The following PRIM2 variants were observed in gnomAD, a reference collection of about 807,000 sequenced individuals.
The protein encoded by PRIM2 is DNA primase large subunit.
PRIM2 carries 39 observed loss-of-function variants against 67.3 expected under a neutral mutation model. The observed-to-expected ratio is 0.58, with a 90% CI of 0.45 to 0.76. The LOEUF is 0.76. Ranked by LOEUF, PRIM2 falls within the 30% of genes least tolerant of loss-of-function variation. PRIM2 has a pLI of 0.00. For missense variants in PRIM2, 398 were observed against 598.7 expected (o/e 0.66, Z 3.50); for synonymous variants, 143 against 198.7 (o/e 0.72, Z 2.36).
chr6:57,621,925 T>C (rs1776863615), intron 12 of PRIM2, among the ~76,000 whole-genome samples: 1 of 152,126 alleles, frequency 6.6e-6, no homozygotes, highest in African/African-American at 2.4e-5. Flanking sequence ...ACTTTTTCCT[T>C]ATGAATCTTG....
At chr6:57,594,247 G>C (rs1776328350) in intron 10 of PRIM2, among the ~76,000 whole-genome samples, 1 of 152,212 alleles carries the variant, frequency 6.6e-6, no homozygotes, top group Non-Finnish European at 1.5e-5. Flanking sequence ...ACAGATAGCA[G>C]TTGTGAAGAC....
the PRIM2 span, among the ~76,000 whole-genome samples, chr6:57,274,888 T>C: frequency 6.6e-6 from 1 of 151,816 alleles, no homozygotes; most frequent in Non-Finnish European, 1.5e-5. Flanking sequence ...GTGATTCCCC[T>C]GCCTCAGCCT....
chr6:57,356,611 C>T (rs1236785093), intron 5 of PRIM2, among the ~76,000 whole-genome samples: 1 of 152,106 alleles, frequency 6.6e-6, no homozygotes, highest in African/African-American at 2.4e-5. Flanking sequence ...TCTTTTCATG[C>T]AGTCTGAGGA....
chr6:57,630,479 G>T (rs2127499161), intron 12 of PRIM2, among the ~76,000 whole-genome samples: 1 of 151,504 alleles, frequency 6.6e-6, no homozygotes, highest in East Asian at 1.9e-4. Context: ...GTTTTCTTTA[G>T]TAAGTTTTTT....
chr6:57,334,595 T>C (rs1420407481), intron 5 of PRIM2, among the ~76,000 whole-genome samples: 1 of 152,162 alleles, frequency 6.6e-6, no homozygotes, highest in Admixed American at 6.5e-5. Context: ...GCCCAGGTGT[T>C]GGAGGCTACA....
intron 8 of PRIM2, among the ~76,000 whole-genome samples, chr6:57,523,358 T>C (rs1774670233): frequency 6.6e-6 from 1 of 152,250 alleles, no homozygotes; most frequent in Admixed American, 6.5e-5. Context: ...TTCTGAAACT[T>C]ACCCTCTTAA....
chr6:57,529,264 C>G (rs1258168282), intron 8 of PRIM2, among the ~76,000 whole-genome samples: 20 of 151,786 alleles, frequency 1.3e-4, no homozygotes, highest in African/African-American at 4.8e-4. Flanking sequence ...GAGCGGAGAT[C>G]GCCCCACTGC....
intron 10 of PRIM2, among the ~76,000 whole-genome samples, chr6:57,590,464 T>G (rs1374852058): frequency 6.6e-6 from 1 of 152,108 alleles, no homozygotes; most frequent in East Asian, 1.9e-4. Context: ...TAATTCCAAA[T>G]AGCATGGACA....
At chr6:57,421,398 G>A (rs1343180871) in intron 7 of PRIM2, among the ~76,000 whole-genome samples, 2 of 152,124 alleles carry the variant, frequency 1.3e-5, no homozygotes, top group African/African-American at 2.4e-5. Flanking sequence ...TTTGAGTAAT[G>A]GCACTGATAT....
intron 8 of PRIM2, among the ~76,000 whole-genome samples, chr6:57,518,490 G>T (rs1554348495): frequency 3.0e-4 from 45 of 152,244 alleles, no homozygotes; most frequent in African/African-American, 1.1e-3. Flanking sequence ...GCCATCTTGT[G>T]TACCACTATC....
the PRIM2 span, among the ~76,000 whole-genome samples, chr6:57,228,132 C>T: frequency 2.0e-4 from 31 of 152,194 alleles, no homozygotes; most frequent in East Asian, 6.0e-3. Flanking sequence ...AGAAGATCTA[C>T]AAAACTAGAG....
intron 7 of PRIM2, among the ~76,000 whole-genome samples, chr6:57,480,391 C>T (rs1259640598): frequency 0.37 from 56,674 of 151,862 alleles, 10,938 homozygotes; most frequent in African/African-American, 0.49. Context: ...AAACATCTTG[C>T]ATAACTTTAG....
chr6:57,289,870 A>G, the PRIM2 span, among the ~76,000 whole-genome samples: 2 of 152,172 alleles, frequency 1.3e-5, no homozygotes, highest in Non-Finnish European at 2.9e-5. Flanking sequence ...TGTAAAGACC[A>G]TCAATGCTAT....
chr6:57,423,708 A>T (rs900145893), intron 7 of PRIM2, among the ~76,000 whole-genome samples: 1 of 152,208 alleles, frequency 6.6e-6, no homozygotes, highest in Non-Finnish European at 1.5e-5. Context: ...GGGAAGCTTC[A>T]TGTTGCCTTA....
At chr6:57,272,722 T>C in the PRIM2 span, among the ~76,000 whole-genome samples, 81,955 of 152,032 alleles carry the variant, frequency 0.54, 23,970 homozygotes, top group East Asian at 0.82. Flanking sequence ...TTCCTAGCCT[T>C]GGGGGCCTTT....
At chr6:57,580,214 C>T (rs1355382265) in intron 10 of PRIM2, among the ~76,000 whole-genome samples, 3 of 151,460 alleles carry the variant, frequency 2.0e-5, no homozygotes. Flanking sequence ...TGAGACCTGC[C>T]CCGGCATCAT....
intron 13 of PRIM2, among the ~76,000 whole-genome samples, chr6:57,639,797 C>A (rs1375180637): frequency 6.6e-6 from 1 of 151,052 alleles, no homozygotes; most frequent in Non-Finnish European, 1.5e-5. Flanking sequence ...ACAAATTCCA[C>A]CAGAGGTACA....
At chr6:57,406,729 A>G (rs1300593075) in intron 7 of PRIM2, among the ~76,000 whole-genome samples, 1 of 152,172 alleles carries the variant, frequency 6.6e-6, no homozygotes, top group Non-Finnish European at 1.5e-5. Flanking sequence ...GAAATGTTTT[A>G]TGAGACTCTT....
chr6:57,426,337 A>G (rs1771623614), intron 7 of PRIM2, among the ~76,000 whole-genome samples: 1 of 152,192 alleles, frequency 6.6e-6, no homozygotes, highest in Non-Finnish European at 1.5e-5. Context: ...AGACTCACAT[A>G]GTATGTACTT....
Sources: gnomAD v4.1 joint callset for allele counts (sites outside exome capture counted in the v4.1 genomes callset) on GRCh38, gnomAD v4.1.1 for gene constraint, MANE v1.5 for transcripts, NCBI Gene and HGNC (gene_info 2026-07-23, HGNC 2026-07-21) for gene names.